TRPM3: variants seen among roughly 807,000 people sequenced by gnomAD.
TRPM3 encodes the protein long transient receptor potential channel 3.
A neutral mutation model predicts 181.2 loss-of-function variants in TRPM3; 77 were observed. The observed-to-expected ratio is 0.42, with a 90% CI of 0.35 to 0.51. The LOEUF is 0.51. Among genes scored for constraint, TRPM3 ranks in the 20% least tolerant of loss-of-function variants. TRPM3 has a pLI of 0.01. For synonymous variants in TRPM3, 745 were observed against 796.4 expected, an observed-to-expected ratio of 0.94 and a Z score of 1.09; for missense variants, 1,759 against 2,196.7, an observed-to-expected ratio of 0.80 and a Z score of 3.98.
At position 71,428,190 on chromosome 9, in the gene TRPM3, C is replaced by T. The variant is rs184531902; in HGVS notation, c.183+18463G>A. ...CATTGCAACCTCCACCTCCTGGGTT[C>T]AAACAATTCTCCTGCCTCAACCTCC... is the stretch of plus-strand genomic sequence containing the variant. On this transcript the variant is annotated intron_variant, in intron 1 of 24. Transcript: ENST00000357533. Among the ~76,000 whole-genome samples, 279 of 150,872 alleles carry T rather than the reference C, an allele frequency of 1.8e-3. 1 individual carries two copies. Among genetic ancestry groups the T allele is most frequent in the Middle Eastern group, 7.0e-3 (2 of 284 alleles).
chr9:70,606,062 G>A (rs1451755122), intron 19 of TRPM3, among the ~76,000 whole-genome samples: 3 of 152,184 alleles, frequency 2.0e-5, no homozygotes, highest in Non-Finnish European at 4.4e-5. Flanking sequence ...GTGAAGCTTG[G>A]ATTTAAATCT....
rs991437734 is a variant in TRPM3, at chr9:70,625,958, T to C, written c.1633-441A>G. Among the ~76,000 whole-genome samples the C allele has an allele frequency of 5.3e-5, 8 of 152,180 alleles. No homozygotes were observed. Among genetic ancestry groups the C allele is most frequent in the South Asian group, 2.1e-4 (1 of 4,824 alleles). ...GATTTTGGGTGTCAGAATGAGGTTGTATATGAACATCCCTTGCATTTAAAG... is the reference window on the plus strand; with the variant it reads ...GATTTTGGGTGTCAGAATGAGGTTGCATATGAACATCCCTTGCATTTAAAG... On this transcript the variant is annotated intron_variant, in intron 12 of 25. Transcript: ENST00000677713. This position sits in a 1 kb window ranked among gnomAD's most constrained non-coding sequence, Gnocchi z 4.8.
At chr9:71,326,495 A>G (rs2089692750) in intron 1 of TRPM3, among the ~76,000 whole-genome samples, 1 of 152,212 alleles carries the variant, frequency 6.6e-6, no homozygotes, top group African/African-American at 2.4e-5. Context: ...TAAGCACCCA[A>G]TAACTTACCT....
Position 70,618,826 on chromosome 9 carries a change from C to T in TRPM3, c.2358+41G>A, listed in dbSNP as rs1466795639. The T allele has an allele frequency of 7.0e-6, 11 of 1,568,344 alleles. No homozygotes were observed. The East Asian group carries it at 2.0e-4, about 29-fold the overall frequency. On this transcript the variant is annotated intron_variant, in intron 17 of 25. Coordinates refer to ENST00000677713, the MANE Select transcript of TRPM3 (RefSeq NM_001366145.2). The stretch of plus-strand genomic sequence containing the variant: ...GGCTGGGAAAACTCTAACCCACCCG[C>T]CGGTCCTCATAGCCAGGAGGGCCTT...
intron 1 of TRPM3, among the ~76,000 whole-genome samples, chr9:71,080,859 T>A (rs1379179840): frequency 1.3e-5 from 2 of 152,140 alleles, no homozygotes; most frequent in African/African-American, 4.8e-5. Context: ...CCCGGTAAAT[T>A]ATGTAGTAGG....
At chr9:71,399,544 T>TTTTTC (rs1172848265) in intron 1 of TRPM3, among the ~76,000 whole-genome samples, 4 of 147,004 alleles carry the variant, frequency 2.7e-5, no homozygotes, top group African/African-American at 1.0e-4. Flanking sequence ...TTTTTTTTTT[T>TTTTTC]TTGAGAAGGA....
intron 1 of TRPM3, among the ~76,000 whole-genome samples, chr9:71,357,366 T>A (rs1202137381): frequency 1.3e-5 from 2 of 152,204 alleles, no homozygotes; most frequent in African/African-American, 4.8e-5. Context: ...TCAAGCGCCA[T>A]TATCCCAGAC....
chr9:70,765,956 T>G (rs930176624), intron 7 of TRPM3, among the ~76,000 whole-genome samples: 6 of 152,166 alleles, frequency 3.9e-5, no homozygotes, highest in African/African-American at 4.8e-5. Flanking sequence ...TATGTGAAAT[T>G]TTTATTTTAG....
chr9:70,638,646 T>C (rs186637324), intron 11 of TRPM3, among the ~76,000 whole-genome samples: 17 of 152,326 alleles, frequency 1.1e-4, no homozygotes, highest in Non-Finnish European at 2.1e-4. Flanking sequence ...CTATGAAGAA[T>C]GAACTTCATA....
intron 9 of TRPM3, among the ~76,000 whole-genome samples, chr9:70,655,608 T>C (rs769308298): frequency 2.6e-5 from 4 of 152,140 alleles, no homozygotes; most frequent in Non-Finnish European, 4.4e-5. Context: ...TATATGTGTG[T>C]GTGTATATAT....
intron 1 of TRPM3, among the ~76,000 whole-genome samples, chr9:71,004,249 C>T (rs554328675): frequency 6.6e-6 from 1 of 152,338 alleles, no homozygotes; most frequent in African/African-American, 2.4e-5. Context: ...GCTGAATTTC[C>T]CACAAAGCTC....
At position 70,761,606 on chromosome 9, in the gene TRPM3, CCTT is replaced by C. The variant is rs1564168552; in HGVS notation, c.1264_1266del (p.Lys422del). On this transcript the variant is annotated inframe_deletion, in exon 8 of 26. Coordinates refer to ENST00000677713, the MANE Select transcript of TRPM3 (RefSeq NM_001366145.2). ...ACCCATGCGGAATTACCTACCAATT[CCTT>C]CTTCTTCATGCACTCCATGAGGATG... 2 of 1,613,998 alleles carry C rather than the reference CCTT, an allele frequency of 1.2e-6. No individual in the cohort carries two copies. Among genetic ancestry groups the C allele is most frequent in the Middle Eastern group, 1.6e-4 (1 of 6,062 alleles).
At chr9:71,229,917 G>T (rs543646479) in intron 1 of TRPM3, among the ~76,000 whole-genome samples, 20 of 152,206 alleles carry the variant, frequency 1.3e-4, no homozygotes, top group African/African-American at 4.1e-4. Context: ...ACCTGATCCA[G>T]CAATCCTACT....
At chr9:70,924,807 A>C (rs1466485000) in intron 1 of TRPM3, among the ~76,000 whole-genome samples, 1 of 152,184 alleles carries the variant, frequency 6.6e-6, no homozygotes, top group Non-Finnish European at 1.5e-5. Flanking sequence ...TGACTAATAC[A>C]AGGTAGAAAG....
At chr9:71,157,885 A>G (rs1349035973) in intron 1 of TRPM3, among the ~76,000 whole-genome samples, 1 of 151,592 alleles carries the variant, frequency 6.6e-6, no homozygotes, top group Admixed American at 6.6e-5. Context: ...ACACAGACAG[A>G]TTGTTGAAAC....
intron 1 of TRPM3, among the ~76,000 whole-genome samples, chr9:71,033,985 C>T (rs561678): frequency 1 from 151,695 of 152,232 alleles, 75,580 homozygotes; most frequent in Middle Eastern, 1. Context: ...GAAACTAACA[C>T]GCACATCTTA....
intron 1 of TRPM3, among the ~76,000 whole-genome samples, chr9:71,375,863 G>A (rs9696347): frequency 0.024 from 3,678 of 152,112 alleles, 93 homozygotes; most frequent in African/African-American, 0.058. Context: ...ATTAAGGTAT[G>A]TACATTGTTT....
chr9:71,263,525 G>C (rs1015556990), intron 1 of TRPM3, among the ~76,000 whole-genome samples: 2 of 152,160 alleles, frequency 1.3e-5, no homozygotes, highest in African/African-American at 4.8e-5. Context: ...TCTCCATGGA[G>C]GTGTCAGTTA....
At chr9:71,237,063 G>T (rs1168695499) in intron 1 of TRPM3, among the ~76,000 whole-genome samples, 3 of 144,628 alleles carry the variant, frequency 2.1e-5, no homozygotes, top group Non-Finnish European at 4.5e-5. Context: ...AAAAAAAAGG[G>T]GGGGGGAAAA....
Sources: allele counts gnomAD v4.1 joint callset (sites outside exome capture counted in the v4.1 genomes callset), GRCh38; gene constraint gnomAD v4.1.1; non-coding constraint Gnocchi (gnomAD v3.1); transcripts MANE v1.5; gene names NCBI Gene and HGNC (gene_info 2026-07-23, HGNC 2026-07-21).